The following NTM variants were observed in gnomAD, a reference collection of about 807,000 sequenced individuals.
NTM encodes IgLON family member 2.
In NTM, 13 loss-of-function variants were observed where a neutral mutation model predicts 42.1. The ratio of observed to expected loss-of-function variants is 0.31; its 90% CI spans 0.20 to 0.49. The LOEUF (loss-of-function observed/expected upper bound fraction) is 0.49, where lower values mean the gene tolerates loss of function less well. NTM is among the 20% of genes least tolerant of loss of function. The pLI, the probability that NTM is intolerant of heterozygous loss-of-function variation, is 0.99. For synonymous variants in NTM, 187 were observed against 179.2 expected, an observed-to-expected ratio of 1.04 and a Z score of -0.35; for missense variants, 373 against 452.8, an observed-to-expected ratio of 0.82 and a Z score of 1.60.
At chr11:131,910,901 G>A (rs2054769844) in intron 1 of NTM, 1 of 986,214 alleles carries the variant, frequency 1.0e-6, no homozygotes, top group Non-Finnish European at 1.2e-6. Flanking sequence ...CACGAAGCCC[G>A]CGCGGCCGTC....
intron 1 of NTM, among the ~76,000 whole-genome samples, chr11:131,569,670 T>A (rs2057269369): frequency 6.7e-6 from 1 of 149,300 alleles, no homozygotes; most frequent in African/African-American, 2.5e-5. Context: ...CTCAAACTCC[T>A]GGGCTCAAGC....
At chr11:132,019,174 TATC>T (rs1412668504) in intron 2 of NTM, among the ~76,000 whole-genome samples, 16 of 147,206 alleles carry the variant, frequency 1.1e-4, no homozygotes, top group African/African-American at 2.4e-4. Context: ...TTCATTCTCT[TATC>T]ATTATTATAT....
At chr11:131,665,083 A>ATTCACGCGTCCCCTCCTG (rs1306051798) in intron 1 of NTM, among the ~76,000 whole-genome samples, 3 of 152,140 alleles carry the variant, frequency 2.0e-5, no homozygotes, top group African/African-American at 4.8e-5. Flanking sequence ...TGCCAGTGGC[A>ATTCACGCGTCCCCTCCTG]TTCACGCGTC....
At chr11:131,895,563 G>A (rs2137592564) in intron 1 of NTM, among the ~76,000 whole-genome samples, 1 of 152,146 alleles carries the variant, frequency 6.6e-6, no homozygotes, top group East Asian at 1.9e-4. Flanking sequence ...TTACAACCTA[G>A]TTGGTAAGAT....
At chr11:131,547,477 C>A (rs571645938) in intron 1 of NTM, among the ~76,000 whole-genome samples, 2 of 152,238 alleles carry the variant, frequency 1.3e-5, no homozygotes. Flanking sequence ...AGATGCCAGG[C>A]GCTAACCGTG....
chr11:131,434,034 G>C (rs983019705), intron 1 of NTM, among the ~76,000 whole-genome samples: 1 of 152,164 alleles, frequency 6.6e-6, no homozygotes, highest in Non-Finnish European at 1.5e-5. Context: ...ACCTATGAGT[G>C]AGAACATGCG....
intron 1 of NTM, among the ~76,000 whole-genome samples, chr11:131,467,376 ACCT>A (rs1184529053): frequency 6.6e-6 from 1 of 152,020 alleles, no homozygotes; most frequent in East Asian, 1.9e-4. Context: ...GAGGGAGCCC[ACCT>A]CCCACCAGGA....
chr11:131,547,588 T>C (rs1401212450), intron 1 of NTM, among the ~76,000 whole-genome samples: 1 of 152,124 alleles, frequency 6.6e-6, no homozygotes, highest in Non-Finnish European at 1.5e-5. Context: ...ATGTAAAGTG[T>C]GTGTCTGGTT....
chr11:132,207,715 A>T (rs1310211622), intron 3 of NTM, among the ~76,000 whole-genome samples: 1 of 152,140 alleles, frequency 6.6e-6, no homozygotes, highest in African/African-American at 2.4e-5. Flanking sequence ...TGCTTGCCTT[A>T]TGTTGTCTCC....
At chr11:131,866,982 T>C (rs992328839) in intron 1 of NTM, among the ~76,000 whole-genome samples, 1 of 152,076 alleles carries the variant, frequency 6.6e-6, no homozygotes, top group African/African-American at 2.4e-5. Flanking sequence ...GCAGCCAAGA[T>C]GGAGAACAGG....
intron 2 of NTM, among the ~76,000 whole-genome samples, chr11:131,942,410 A>G (rs1984984): frequency 2.0e-5 from 3 of 151,944 alleles, no homozygotes; most frequent in Admixed American, 1.3e-4. Flanking sequence ...GAGAGTAGAG[A>G]GTGATGTAGT....
At chr11:132,127,211 C>T (rs566008908) in intron 2 of NTM, among the ~76,000 whole-genome samples, 2 of 152,292 alleles carry the variant, frequency 1.3e-5, no homozygotes, top group South Asian at 4.1e-4. Flanking sequence ...AAAAACATAC[C>T]TTGGCAGGCT....
intron 2 of NTM, among the ~76,000 whole-genome samples, chr11:132,090,168 C>G (rs943180448): frequency 1.3e-5 from 2 of 152,120 alleles, no homozygotes; most frequent in African/African-American, 4.8e-5. Flanking sequence ...AGACTATAAA[C>G]CAGGTATTCT....
intron 2 of NTM, among the ~76,000 whole-genome samples, chr11:132,084,731 C>T (rs1001016580): frequency 4.6e-5 from 7 of 152,156 alleles, no homozygotes; most frequent in Non-Finnish European, 1.5e-5. Context: ...AAAATGTCTC[C>T]TGTCTTTCTT....
intron 1 of NTM, among the ~76,000 whole-genome samples, chr11:131,605,163 C>T (rs1471778238): frequency 6.6e-6 from 1 of 151,430 alleles, no homozygotes; most frequent in Non-Finnish European, 1.5e-5. Context: ...AGAAGTTCAA[C>T]ATCTACTCTT....
At chr11:131,409,677 A>G (rs1037261283) in intron 1 of NTM, among the ~76,000 whole-genome samples, 4 of 152,184 alleles carry the variant, frequency 2.6e-5, no homozygotes, top group African/African-American at 9.7e-5. Flanking sequence ...AATATTGTCT[A>G]TAAAAGCCCC....
intron 2 of NTM, among the ~76,000 whole-genome samples, chr11:132,085,883 A>G (rs1209441873): frequency 2.0e-5 from 3 of 152,158 alleles, no homozygotes; most frequent in Admixed American, 6.5e-5. Flanking sequence ...ATATTTTGAG[A>G]GGGATTTATC....
intron 4 of NTM, among the ~76,000 whole-genome samples, chr11:132,259,230 G>T (rs2092694341): frequency 6.6e-6 from 1 of 151,902 alleles, no homozygotes; most frequent in East Asian, 1.9e-4. Context: ...GTTTTGATAT[G>T]ATTAATATTG....
intron 4 of NTM, among the ~76,000 whole-genome samples, chr11:132,291,206 A>C (rs975608381): frequency 6.6e-5 from 10 of 152,232 alleles, no homozygotes; most frequent in African/African-American, 2.4e-4. Flanking sequence ...AGTTGTCCCT[A>C]AAGTATCAGG....
Sources: allele counts gnomAD v4.1 joint callset (sites outside exome capture counted in the v4.1 genomes callset), GRCh38; gene constraint gnomAD v4.1.1; transcripts MANE v1.5; gene names NCBI Gene and HGNC (gene_info 2026-07-23, HGNC 2026-07-21).